NTRK2: variants seen among roughly 807,000 people sequenced by gnomAD.
NTRK2 encodes the protein neurotrophic receptor tyrosine kinase 2, also known as BDNF/NT-3 growth factors receptor.
NTRK2 carries 13 observed loss-of-function variants against 94.5 expected under a neutral mutation model. The observed-to-expected ratio is 0.14, with a 90% confidence interval of 0.09 to 0.22. NTRK2 has a LOEUF of 0.22. Ranked by LOEUF, NTRK2 falls within the 10% of genes least tolerant of loss-of-function variation. NTRK2 has a pLI of 1.00. For synonymous variants in NTRK2, 372 were observed against 407.4 expected (o/e 0.91, Z 1.05); for missense variants, 639 against 1,071.2 (o/e 0.60, Z 5.63).
At chr9:84,819,786 C>T (rs2072668753) in intron 12 of NTRK2, among the ~76,000 whole-genome samples, 1 of 152,192 alleles carries the variant, frequency 6.6e-6, no homozygotes, top group Non-Finnish European at 1.5e-5. Context: ...AGCTATTTTC[C>T]CTTCCTGATC....
chr9:84,823,211 A>G (rs551518713), intron 12 of NTRK2, among the ~76,000 whole-genome samples: 2 of 152,328 alleles, frequency 1.3e-5, no homozygotes, highest in African/African-American at 2.4e-5. Flanking sequence ...ATCTGAAACT[A>G]AGACCTGTTT....
intron 12 of NTRK2, among the ~76,000 whole-genome samples, chr9:84,753,520 A>C (rs2064821095): frequency 6.6e-6 from 1 of 152,134 alleles, no homozygotes; most frequent in Non-Finnish European, 1.5e-5. Flanking sequence ...TGTTCTCTAC[A>C]ATAAACATGG....
At chr9:84,822,063 T>C (rs2072883774) in intron 12 of NTRK2, among the ~76,000 whole-genome samples, 1 of 152,062 alleles carries the variant, frequency 6.6e-6, no homozygotes, top group South Asian at 2.1e-4. Flanking sequence ...TAAGGGATGA[T>C]ACATTTCATC....
intron 1 of NTRK2, 96 bp from the exon 2 acceptor site, chr9:84,670,281 T>C: frequency 4.0e-6 from 1 of 251,586 alleles, no homozygotes; most frequent in Non-Finnish European, 7.6e-6. Flanking sequence ...CGGGCTGGGG[T>C]CGGGGTGGGG....
intron 17 of NTRK2, among the ~76,000 whole-genome samples, chr9:84,965,889 G>T (rs528509418): frequency 4.6e-5 from 7 of 152,254 alleles, no homozygotes; most frequent in Non-Finnish European, 7.3e-5. Flanking sequence ...TTTCTACCTA[G>T]TCTATATGTC....
intron 13 of NTRK2, among the ~76,000 whole-genome samples, chr9:84,863,518 T>C (rs911990289): frequency 6.6e-6 from 1 of 152,232 alleles, no homozygotes; most frequent in Non-Finnish European, 1.5e-5. Flanking sequence ...TCTGTCTTTT[T>C]CATGGTGCCT....
At chr9:84,832,809 G>A (rs1355892286) in intron 12 of NTRK2, among the ~76,000 whole-genome samples, 1 of 152,124 alleles carries the variant, frequency 6.6e-6, no homozygotes, top group African/African-American at 2.4e-5. Flanking sequence ...AAGTGCTCCT[G>A]AGCTGGCCCA....
chr9:84,780,116 A>T lies in NTRK2; in HGVS notation c.1396+28031A>T, dbSNP rs954606083. Among the ~76,000 whole-genome samples, 3 of 152,006 alleles carry T rather than the reference A, an allele frequency of 2.0e-5. No homozygotes were observed. The East Asian group carries it at 5.8e-4, about 29-fold the overall frequency. ...CATTAGGGAACATTTGGTCTGAGCT[A>T]CGTGTTAGAGTTCCACCAGTACAAG... On this transcript the variant is annotated intron_variant, in intron 12 of 18. Coordinates refer to ENST00000277120, the MANE Select transcript of NTRK2 (RefSeq NM_006180.6).
At chr9:84,746,017 CT>C (rs2064035655) in intron 11 of NTRK2, among the ~76,000 whole-genome samples, 1 of 152,076 alleles carries the variant, frequency 6.6e-6, no homozygotes, top group Non-Finnish European at 1.5e-5. Flanking sequence ...GCTCTGCCTC[CT>C]TATAAATTCC....
intron 12 of NTRK2, among the ~76,000 whole-genome samples, chr9:84,753,063 G>C (rs1307865835): frequency 6.6e-6 from 1 of 152,182 alleles, no homozygotes; most frequent in Non-Finnish European, 1.5e-5. Flanking sequence ...ATCTGGGATA[G>C]AGCAGATCTA....
At chr9:84,937,203 A>G (rs1478824922) in intron 15 of NTRK2, among the ~76,000 whole-genome samples, 1 of 152,258 alleles carries the variant, frequency 6.6e-6, no homozygotes, top group African/African-American at 2.4e-5. Flanking sequence ...TGCAGCTGCC[A>G]GGGATTGCAC....
intron 17 of NTRK2, among the ~76,000 whole-genome samples, chr9:84,989,416 A>G (rs1296095637): frequency 1.3e-5 from 2 of 152,338 alleles, no homozygotes; most frequent in Middle Eastern, 3.4e-3. Context: ...TTCCATCCTT[A>G]TCTGGTCCCG....
chr9:84,714,595 T>C (rs1407471060), intron 6 of NTRK2, among the ~76,000 whole-genome samples: 12 of 152,238 alleles, frequency 7.9e-5, no homozygotes, highest in Non-Finnish European at 5.9e-5. Flanking sequence ...GGAGAAGTTA[T>C]AATCTAGACA....
intron 17 of NTRK2, among the ~76,000 whole-genome samples, chr9:84,976,773 G>A (rs1826917112): frequency 6.6e-6 from 1 of 152,096 alleles, no homozygotes; most frequent in Non-Finnish European, 1.5e-5. Flanking sequence ...TTAGCAATCA[G>A]CAGGGTTTCT....
chr9:84,943,878 A>G (rs1179704558), intron 15 of NTRK2, among the ~76,000 whole-genome samples: 1 of 152,128 alleles, frequency 6.6e-6, no homozygotes, highest in Non-Finnish European at 1.5e-5. Context: ...TACAGTGCCA[A>G]ATTCAGAAGA....
intron 12 of NTRK2, among the ~76,000 whole-genome samples, chr9:84,797,670 T>TATATACTATAATAATATATATATTAC (rs2069625543): frequency 1.2e-5 from 1 of 83,788 alleles, no homozygotes; most frequent in South Asian, 2.6e-4. Context: ...TTATATATTA[T>TATATACTATAATAATATATATATTAC]ATATTATATA....
chr9:84,713,871 C>T (rs1012313063), intron 6 of NTRK2, among the ~76,000 whole-genome samples: 6 of 149,010 alleles, frequency 4.0e-5, no homozygotes, highest in East Asian at 2.0e-4. Flanking sequence ...TTCACCACAA[C>T]GTAACTAGAT....
At chr9:84,757,380 CCATAAGGAAATTATAATACCAGT>C (rs1448082976) in intron 12 of NTRK2, among the ~76,000 whole-genome samples, 2 of 152,136 alleles carry the variant, frequency 1.3e-5, no homozygotes, top group East Asian at 3.8e-4. Flanking sequence ...ATTTTTGATT[CCATAAGGAAATTATAATACCAGT>C]CTTGTTCTGC....
intron 14 of NTRK2, chr9:84,874,605 C>A (rs142576757): frequency 1.9e-6 from 2 of 1,062,286 alleles, no homozygotes; most frequent in Non-Finnish European, 2.3e-6. Flanking sequence ...AACACTTTCT[C>A]TAACCCACGG....
Sources: gnomAD v4.1 joint callset for allele counts (sites outside exome capture counted in the v4.1 genomes callset) on GRCh38, gnomAD v4.1.1 for gene constraint, MANE v1.5 for transcripts, NCBI Gene and HGNC (gene_info 2026-07-23, HGNC 2026-07-21) for gene names.